The following AFF2 variants were observed in gnomAD, a reference collection of about 807,000 sequenced individuals.
AFF2 encodes ALF transcription elongation factor 2.
In AFF2, 14 loss-of-function variants were observed where a neutral mutation model predicts 76.9. The observed-to-expected ratio is 0.18, with a 90% confidence interval of 0.12 to 0.28. The LOEUF (loss-of-function observed/expected upper bound fraction) is 0.28, where lower values mean the gene tolerates loss of function less well. Ranked by LOEUF, AFF2 falls within the 10% of genes least tolerant of loss-of-function variation. The pLI, the probability that AFF2 is intolerant of heterozygous loss-of-function variation, is 1.00. For synonymous variants in AFF2, 398 were observed against 366.7 expected (o/e 1.09, Z -0.98); for missense variants, 868 against 1,001.1 (o/e 0.87, Z 1.79).
chrX:148,502,061 A>G (rs2052359940), intron 1 of AFF2, among the ~76,000 whole-genome samples: 1 of 112,199 alleles, frequency 8.9e-6, no homozygotes, highest in Non-Finnish European at 1.9e-5. Flanking sequence ...ATACATATCT[A>G]TTAACTTTTC....
At chrX:148,851,563 A>G (rs1557275337) in intron 7 of AFF2, among the ~76,000 whole-genome samples, 1 of 111,260 alleles carries the variant, frequency 9.0e-6, no homozygotes, top group Admixed American at 9.6e-5. Context: ...TCCCTGAGAG[A>G]GCAATAAGTG....
intron 1 of AFF2, among the ~76,000 whole-genome samples, chrX:148,617,514 T>G (rs1215099136): frequency 5.4e-5 from 6 of 112,128 alleles, no homozygotes; most frequent in East Asian, 2.8e-4. Flanking sequence ...TTTCTCCCAT[T>G]CTGTAGGTTG....
Position 148,962,292 on chromosome X carries a change from G to T in AFF2, c.2691-423G>T, listed in dbSNP as rs1054348471. On this transcript the variant is annotated intron_variant, in intron 12 of 20. Coordinates refer to ENST00000370460, the MANE Select transcript of AFF2 (RefSeq NM_002025.4). ...CTGATTCTTTATTGTGCCATTTATTGCATGATTGTGCAGTTAAGTCCTAGG... is the reference window on the plus strand; with the variant it reads ...CTGATTCTTTATTGTGCCATTTATTTCATGATTGTGCAGTTAAGTCCTAGG... Among the ~76,000 whole-genome samples, 51 of 112,277 alleles carry T rather than the reference G, an allele frequency of 4.5e-4. 1 individual carries two copies. The highest frequency in any genetic ancestry group is 1.6e-3 in the African/African-American group (51 of 30,910).
At chrX:148,548,232 A>G (rs992097380) in intron 1 of AFF2, among the ~76,000 whole-genome samples, 3 of 111,382 alleles carry the variant, frequency 2.7e-5, no homozygotes, top group Non-Finnish European at 5.7e-5. Context: ...CTTGGACAAT[A>G]CCCTCTACCC....
intron 15 of AFF2, among the ~76,000 whole-genome samples, chrX:148,968,663 G>A (rs2072210675): frequency 8.9e-6 from 1 of 112,146 alleles, no homozygotes; most frequent in Non-Finnish European, 1.9e-5. Context: ...AACTGTCCAT[G>A]GTCCTTACAT....
At chrX:148,860,951 T>A (rs1293371552) in intron 7 of AFF2, among the ~76,000 whole-genome samples, 1 of 111,615 alleles carries the variant, frequency 9.0e-6, no homozygotes, top group Non-Finnish European at 1.9e-5. Context: ...TAATCCTGGG[T>A]CTTTTATTTA....
At chrX:148,871,597 C>T (rs2070976841) in intron 7 of AFF2, among the ~76,000 whole-genome samples, 1 of 111,880 alleles carries the variant, frequency 8.9e-6, no homozygotes, top group Non-Finnish European at 1.9e-5. Context: ...ATTGGCAGCC[C>T]ACATTAACCA....
At chrX:148,633,239 C>T (rs1348599823) in intron 1 of AFF2, among the ~76,000 whole-genome samples, 4 of 111,759 alleles carry the variant, frequency 3.6e-5, no homozygotes, top group Non-Finnish European at 7.5e-5. Context: ...CACCCAGTCA[C>T]GATCATACAC....
intron 1 of AFF2, among the ~76,000 whole-genome samples, chrX:148,646,421 GA>G (rs1348069996): frequency 5.4e-5 from 6 of 111,643 alleles, no homozygotes; most frequent in Admixed American, 1.9e-4. Context: ...TTAATTGGAG[GA>G]GGCTTAGACA....
intron 9 of AFF2, among the ~76,000 whole-genome samples, chrX:148,905,127 G>A (rs1256018283): frequency 8.9e-6 from 1 of 112,253 alleles, no homozygotes; most frequent in Admixed American, 9.4e-5. Context: ...CTGGGAGAAT[G>A]GATCAGCTAA....
At chrX:148,877,328 C>T (rs2071046447) in intron 7 of AFF2, among the ~76,000 whole-genome samples, 2 of 111,672 alleles carry the variant, frequency 1.8e-5, no homozygotes, top group African/African-American at 3.3e-5. Flanking sequence ...GGGTCCTGGG[C>T]TACATGTGCC....
chrX:148,833,619 A>T (rs908743755), intron 4 of AFF2, among the ~76,000 whole-genome samples: 1 of 110,467 alleles, frequency 9.1e-6, no homozygotes, highest in Non-Finnish European at 1.9e-5. Context: ...AAAAAAATAA[A>T]AAATAAAAAA....
At chrX:148,847,965 A>G (rs782438317) in intron 7 of AFF2, among the ~76,000 whole-genome samples, 15 of 111,764 alleles carry the variant, frequency 1.3e-4, no homozygotes, top group Non-Finnish European at 2.4e-4. Context: ...CTTATTTTGA[A>G]TGGATATTTT....
At chrX:148,633,196 A>G (rs782761666) in intron 1 of AFF2, among the ~76,000 whole-genome samples, 1 of 112,017 alleles carries the variant, frequency 8.9e-6, no homozygotes, top group East Asian at 2.8e-4. Context: ...TCTAGTGCCT[A>G]GAGGGCAAGG....
At chrX:148,943,761 G>A (rs1266449932) in intron 9 of AFF2, among the ~76,000 whole-genome samples, 1 of 112,117 alleles carries the variant, frequency 8.9e-6, no homozygotes, top group Non-Finnish European at 1.9e-5. Context: ...TCCTCCCTGA[G>A]ATTTATAGAG....
intron 1 of AFF2, among the ~76,000 whole-genome samples, chrX:148,587,272 A>G (rs1434387711): frequency 1.8e-5 from 2 of 112,083 alleles, no homozygotes; most frequent in East Asian, 2.8e-4. Flanking sequence ...TTATTTTTAC[A>G]TTGATTCTAA....
chrX:148,697,590 C>T (rs896345940), intron 3 of AFF2, among the ~76,000 whole-genome samples: 25 of 110,911 alleles, frequency 2.3e-4, no homozygotes, highest in African/African-American at 7.6e-4. Flanking sequence ...TTCCTTCTGT[C>T]GCCACTTTTT....
intron 3 of AFF2, among the ~76,000 whole-genome samples, chrX:148,700,461 T>TGTGTGTGTGTGG (rs782216484): frequency 1.0e-5 from 1 of 99,856 alleles, no homozygotes; most frequent in African/African-American, 3.6e-5. Context: ...TGTGTGTGTG[T>TGTGTGTGTGTGG]GGTGATTGCG....
intron 19 of AFF2, 106 bp downstream of exon 19, chrX:148,980,896 G>T: frequency 7.6e-6 from 4 of 523,920 alleles, no homozygotes; most frequent in Non-Finnish European, 1.2e-5. Context: ...TAGAACTACA[G>T]TCATTTTTGT....
Sources: gnomAD v4.1 joint callset for allele counts (sites outside exome capture counted in the v4.1 genomes callset) on GRCh38, gnomAD v4.1.1 for gene constraint, MANE v1.5 for transcripts, NCBI Gene and HGNC (gene_info 2026-07-23, HGNC 2026-07-21) for gene names.